The following SPOCK3 variants were observed in gnomAD, a reference collection of about 807,000 sequenced individuals.
SPOCK3 encodes SPARC (osteonectin), cwcv and kazal like domains proteoglycan 3, also known as testican-3.
SPOCK3 carries 30 observed loss-of-function variants against 56.6 expected under a neutral mutation model. The observed-to-expected ratio is 0.53, with a 90% CI of 0.40 to 0.72. The LOEUF is 0.72. Among genes scored for constraint, SPOCK3 ranks in the 30% least tolerant of loss-of-function variants. The pLI is 0.00. For synonymous variants in SPOCK3, 196 were observed against 183.3 expected (o/e 1.07, Z -0.56); for missense variants, 527 against 530.0 (o/e 0.99, Z 0.06).
chr4:166,993,256 A>G (rs1206399153), intron 4 of SPOCK3, among the ~76,000 whole-genome samples: 1 of 152,180 alleles, frequency 6.6e-6, no homozygotes, highest in African/African-American at 2.4e-5. Context: ...TCTCTCTGAC[A>G]GGACATGCAA....
At chr4:167,015,098 A>G (rs1222257905) in intron 3 of SPOCK3, among the ~76,000 whole-genome samples, 2 of 152,086 alleles carry the variant, frequency 1.3e-5, no homozygotes, top group Non-Finnish European at 2.9e-5. Context: ...AGTATAATTC[A>G]GTTCTACCCC....
chr4:167,005,334 C>T (rs896013067), intron 3 of SPOCK3, among the ~76,000 whole-genome samples: 14 of 151,920 alleles, frequency 9.2e-5, no homozygotes, highest in East Asian at 1.9e-4. Context: ...CTCAGCCTTC[C>T]GAGTAGCTGG....
intron 6 of SPOCK3, 148 bp from the exon 7 acceptor site, chr4:166,792,437 T>C (rs997889314): frequency 2.1e-5 from 15 of 702,110 alleles, no homozygotes; most frequent in Middle Eastern, 2.6e-4. Context: ...GTTAAATATA[T>C]GCCTTAAAAT....
chr4:167,012,829 A>G (rs538074968), intron 3 of SPOCK3, among the ~76,000 whole-genome samples: 1 of 152,096 alleles, frequency 6.6e-6, no homozygotes, highest in South Asian at 2.1e-4. Context: ...AGTTTCTTTC[A>G]TTGTAACTCT....
At chr4:166,837,960 GTTC>G (rs1746807269) in intron 6 of SPOCK3, among the ~76,000 whole-genome samples, 1 of 152,130 alleles carries the variant, frequency 6.6e-6, no homozygotes, top group South Asian at 2.1e-4. Context: ...TGGGTTGACA[GTTC>G]TTTTCTTTCA....
At chr4:167,138,281 C>T (rs1763273768) in intron 2 of SPOCK3, among the ~76,000 whole-genome samples, 1 of 151,812 alleles carries the variant, frequency 6.6e-6, no homozygotes, top group African/African-American at 2.4e-5. Flanking sequence ...TTCAGACCAT[C>T]TCTATTGTCT....
At chr4:167,233,908 C>T in intron 2 of SPOCK3, 77 bp downstream of exon 2, 2 of 1,312,360 alleles carry the variant, frequency 1.5e-6, no homozygotes, top group Non-Finnish European at 1.1e-6. Flanking sequence ...CCACTCCCCA[C>T]CCACATCCGG....
chr4:166,856,804 C>CTAGATATCTAGA (rs1553988940), intron 6 of SPOCK3, among the ~76,000 whole-genome samples: 1 of 150,158 alleles, frequency 6.7e-6, no homozygotes, highest in African/African-American at 2.5e-5. Flanking sequence ...ATCTATCTAT[C>CTAGATATCTAGA]TATCTAGATA....
At chr4:167,002,541 A>G (rs1417141429) in intron 3 of SPOCK3, among the ~76,000 whole-genome samples, 3 of 152,216 alleles carry the variant, frequency 2.0e-5, no homozygotes, top group African/African-American at 7.2e-5. Context: ...ATAAGTAATG[A>G]TTAGATTAAT....
chr4:167,106,389 G>A lies in SPOCK3; in HGVS notation c.190-43852C>T, dbSNP rs118183437. Among the ~76,000 whole-genome samples, 3 of 151,986 alleles carry A rather than the reference G, an allele frequency of 2.0e-5. No homozygotes were observed. The East Asian group carries it at 5.8e-4, about 29-fold the overall frequency. On this transcript the variant is annotated intron_variant, in intron 2 of 10. Transcript: ENST00000357545. Reference sequence around the variant, plus strand: ...ACAAATATGCTCCTTAATGACCATTGTGTCAATTAAAAAGTTAAGAAGGAA... The same window carrying A: ...ACAAATATGCTCCTTAATGACCATTATGTCAATTAAAAAGTTAAGAAGGAA...
chr4:167,072,702 C>T (rs1388581906), intron 2 of SPOCK3, among the ~76,000 whole-genome samples: 2 of 151,764 alleles, frequency 1.3e-5, no homozygotes, highest in Non-Finnish European at 2.9e-5. Flanking sequence ...CCATCAGTAT[C>T]TCATCTAGCT....
At chr4:166,808,992 A>G (rs1221758612) in intron 6 of SPOCK3, among the ~76,000 whole-genome samples, 1 of 152,110 alleles carries the variant, frequency 6.6e-6, no homozygotes, top group African/African-American at 2.4e-5. Context: ...GGAAATAGAT[A>G]TAAATTTGCT....
At position 166,741,381 on chromosome 4, in the gene SPOCK3, T is replaced by C. The variant is rs1385101154; in HGVS notation, c.994+616A>G. ...TACCTTTGTCACTGTTTTTATAAATTTAAAACTATTCCAAAAATAGTTTAT... is the reference window on the plus strand; with the variant it reads ...TACCTTTGTCACTGTTTTTATAAATCTAAAACTATTCCAAAAATAGTTTAT... On this transcript the variant is annotated intron_variant, in intron 9 of 10. Transcript: ENST00000357545. Among the ~76,000 whole-genome samples, 4 of 152,210 alleles carry C rather than the reference T, an allele frequency of 2.6e-5. No homozygotes were observed. In the South Asian group the frequency reaches 8.3e-4, roughly 31 times the overall value.
At chr4:167,038,357 C>G (rs1333260342) in intron 3 of SPOCK3, among the ~76,000 whole-genome samples, 1 of 152,158 alleles carries the variant, frequency 6.6e-6, no homozygotes, top group Non-Finnish European at 1.5e-5. Flanking sequence ...ACATGGCATA[C>G]TTTCTTCATC....
chr4:166,824,466 A>G (rs562474366), intron 6 of SPOCK3, among the ~76,000 whole-genome samples: 1 of 152,138 alleles, frequency 6.6e-6, no homozygotes, highest in Non-Finnish European at 1.5e-5. Flanking sequence ...ATCTAAGTTA[A>G]TTTGCTACTG....
chr4:166,819,192 C>T (rs978126254), intron 6 of SPOCK3, among the ~76,000 whole-genome samples: 1 of 151,934 alleles, frequency 6.6e-6, no homozygotes, highest in African/African-American at 2.4e-5. Context: ...GAAAAATGCT[C>T]AAAAAACTAG....
chr4:166,907,915 T>G (rs929202435), intron 5 of SPOCK3, among the ~76,000 whole-genome samples: 1 of 151,904 alleles, frequency 6.6e-6, no homozygotes, highest in Non-Finnish European at 1.5e-5. Context: ...GCAACCTAAG[T>G]GGAAAAGCAA....
intron 2 of SPOCK3, among the ~76,000 whole-genome samples, chr4:167,070,256 C>A (rs1756546161): frequency 6.6e-6 from 1 of 151,898 alleles, no homozygotes; most frequent in Admixed American, 6.6e-5. Flanking sequence ...AGTAGGTCAA[C>A]CAGCCAAATA....
At chr4:167,141,932 A>G (rs1763566563) in intron 2 of SPOCK3, among the ~76,000 whole-genome samples, 1 of 152,050 alleles carries the variant, frequency 6.6e-6, no homozygotes, top group African/African-American at 2.4e-5. Flanking sequence ...CAGCAAGCAA[A>G]TAAGCTTATT....
Sources: allele counts gnomAD v4.1 joint callset (sites outside exome capture counted in the v4.1 genomes callset), GRCh38; gene constraint gnomAD v4.1.1; transcripts MANE v1.5; gene names NCBI Gene and HGNC (gene_info 2026-07-23, HGNC 2026-07-21).